AKAP13: variants seen among roughly 807,000 people sequenced by gnomAD.
AKAP13 encodes the protein A-kinase anchor protein 13.
AKAP13 carries 80 observed loss-of-function variants against 264.5 expected under a neutral mutation model. The ratio of observed to expected loss-of-function variants is 0.30; its 90% CI spans 0.25 to 0.36. The LOEUF (loss-of-function observed/expected upper bound fraction) is 0.36. AKAP13 is among the 10% of genes least tolerant of loss of function. AKAP13 has a pLI of 1.00. For missense variants in AKAP13, 3,712 were observed against 3,435.2 expected (o/e 1.08, Z -2.01); for synonymous variants, 1,380 against 1,250.2 (o/e 1.10, Z -2.19).
At chr15:85,461,377 G>C (rs2074506383) in intron 1 of AKAP13, among the ~76,000 whole-genome samples, 1 of 152,052 alleles carries the variant, frequency 6.6e-6, no homozygotes, top group Non-Finnish European at 1.5e-5. Flanking sequence ...CGGCCTCCCA[G>C]AGTGCTGGGA....
intron 6 of AKAP13, chr15:85,577,713 T>C (rs775241840): frequency 1.9e-5 from 14 of 751,888 alleles, no homozygotes; most frequent in Non-Finnish European, 2.3e-5. Flanking sequence ...AGTATATAGG[T>C]ATATGTTCTC....
At chr15:85,422,496 T>C (rs546121907) in intron 1 of AKAP13, among the ~76,000 whole-genome samples, 4 of 152,226 alleles carry the variant, frequency 2.6e-5, no homozygotes, top group South Asian at 2.1e-4. Flanking sequence ...AAGGAAGTAA[T>C]GTAATTGGTT....
chr15:85,575,147 C>CTGGA lies in AKAP13; in HGVS notation c.679_680insTGGA (p.Pro227LeufsTer11). 1 of 1,614,076 alleles carries CTGGA rather than the reference C, an allele frequency of 6.2e-7. No individual in the cohort carries two copies. The highest frequency in any genetic ancestry group is 8.5e-7 in the Non-Finnish European group (1 of 1,180,004). On this transcript the variant is annotated frameshift_variant, in exon 6 of 37. Coordinates refer to ENST00000394518, the MANE Select transcript of AKAP13 (RefSeq NM_007200.5). LOFTEE classifies it high-confidence loss of function. Reference sequence around the variant, plus strand: ...TGCATGTAGGGAGAATGCTGGAGAACCAGACTCCTGGAGCAGTTTATCCTA... The same window carrying CTGGA: ...TGCATGTAGGGAGAATGCTGGAGAACTGGACAGACTCCTGGAGCAGTTTATCCTA...
At chr15:85,700,577 T>C (rs541849942) in intron 17 of AKAP13, among the ~76,000 whole-genome samples, 1 of 152,348 alleles carries the variant, frequency 6.6e-6, no homozygotes, top group Non-Finnish European at 1.5e-5. Context: ...GCCACACTTC[T>C]GTGTAGTAAT....
chr15:85,706,710 A>C (rs1402782061), intron 17 of AKAP13, among the ~76,000 whole-genome samples: 1 of 152,214 alleles, frequency 6.6e-6, no homozygotes, highest in Non-Finnish European at 1.5e-5. Flanking sequence ...TGCATGAGCT[A>C]GGCACTATGC....
intron 1 of AKAP13, among the ~76,000 whole-genome samples, chr15:85,386,584 C>T (rs1451937859): frequency 2.6e-5 from 4 of 152,256 alleles, no homozygotes; most frequent in South Asian, 2.1e-4. Context: ...CTATTGTGCC[C>T]GGCTCGCCTA....
In AKAP13 at chr15:85,745,075, T is replaced by A. The variant is rs1389725690; in HGVS notation, c.*398T>A. 1 of 170,400 alleles carries A rather than the reference T, an allele frequency of 5.9e-6. No homozygotes were observed. The highest frequency in any genetic ancestry group is 1.3e-5 in the Non-Finnish European group (1 of 78,644). The allele number at this position is 170,400 out of a possible 1,614,324, so 10.6% of individuals were successfully genotyped here. A position where few individuals can be genotyped will look rare whatever the true frequency, so the allele number is the denominator to read the frequency against. Reference sequence around the variant, plus strand: ...GGGGAACACAAAACCAAACAGCAGATGTTTTGGACTTGATCTGTGTACGTA... The same window carrying A: ...GGGGAACACAAAACCAAACAGCAGAAGTTTTGGACTTGATCTGTGTACGTA... On this transcript the variant is annotated 3_prime_UTR_variant, in exon 37 of 37. Transcript: ENST00000394518.
At chr15:85,646,208 C>T (rs2082552856) in intron 10 of AKAP13, among the ~76,000 whole-genome samples, 3 of 152,168 alleles carry the variant, frequency 2.0e-5, no homozygotes, top group African/African-American at 7.2e-5. Context: ...GGCATGGTGG[C>T]TCACGCCTGT....
At chr15:85,657,039 G>A (rs1419655341) in intron 11 of AKAP13, among the ~76,000 whole-genome samples, 2 of 152,056 alleles carry the variant, frequency 1.3e-5, no homozygotes, top group South Asian at 2.1e-4. Context: ...CCAGCTACTC[G>A]AGAGGATGAG....
At chr15:85,717,832 C>CT (rs1201761755) in intron 21 of AKAP13, among the ~76,000 whole-genome samples, 175 bp from the exon 22 acceptor site, 1 of 152,202 alleles carries the variant, frequency 6.6e-6, no homozygotes, top group Admixed American at 6.5e-5. Flanking sequence ...AATGTAGAGT[C>CT]TGTCACTCCT....
intron 1 of AKAP13, among the ~76,000 whole-genome samples, chr15:85,387,164 G>A (rs554076853): frequency 4.0e-5 from 6 of 151,886 alleles, no homozygotes; most frequent in South Asian, 2.1e-4. Flanking sequence ...GCAAAACCCC[G>A]TCTCTACTAA....
intron 12 of AKAP13, chr15:85,662,457 T>A: frequency 6.2e-7 from 1 of 1,614,172 alleles, no homozygotes; most frequent in Non-Finnish European, 8.5e-7. Context: ...ACAGAAGGTA[T>A]GATATTGTTA....
intron 1 of AKAP13, among the ~76,000 whole-genome samples, chr15:85,419,935 G>GTTTTTTTTTTTTTT (rs11452064): frequency 3.8e-5 from 3 of 77,970 alleles, no homozygotes; most frequent in Non-Finnish European, 6.9e-5. Context: ...TCTGACTCTT[G>GTTTTTTTTTTTTTT]TTTTTTTTTT....
chr15:85,726,514 G>C, intron 27 of AKAP13, 28 bp downstream of exon 27: 1 of 1,571,238 alleles, frequency 6.4e-7, no homozygotes, highest in Non-Finnish European at 8.8e-7. Context: ...TTTTGTAATA[G>C]TATTATAAGC....
intron 8 of AKAP13, among the ~76,000 whole-genome samples, chr15:85,632,754 A>G (rs1384627090): frequency 6.6e-6 from 1 of 152,260 alleles, no homozygotes; most frequent in Admixed American, 6.5e-5. Context: ...ATGACAGGAA[A>G]AGTATAGAGA....
At chr15:85,689,489 T>G (rs1018579667) in intron 16 of AKAP13, among the ~76,000 whole-genome samples, 1 of 152,204 alleles carries the variant, frequency 6.6e-6, no homozygotes, top group Non-Finnish European at 1.5e-5. Flanking sequence ...GTTACCTGCA[T>G]CTATCCCTGT....
At chr15:85,544,090 C>A in intron 5 of AKAP13, 135 bp downstream of exon 5, 1 of 1,068,794 alleles carries the variant, frequency 9.4e-7, no homozygotes, top group Non-Finnish European at 1.4e-6. Flanking sequence ...TTGCCTTCTG[C>A]TGGAGGTTTG....
intron 8 of AKAP13, among the ~76,000 whole-genome samples, chr15:85,598,299 A>G (rs2079906640): frequency 1.3e-5 from 2 of 152,080 alleles, no homozygotes; most frequent in African/African-American, 2.4e-5. Flanking sequence ...GCATGATGAG[A>G]AGCATCAGAG....
At chr15:85,661,919 A>C (rs1422258004) in intron 12 of AKAP13, among the ~76,000 whole-genome samples, 1 of 140,290 alleles carries the variant, frequency 7.1e-6, no homozygotes, top group African/African-American at 2.7e-5. Context: ...AAAAAAAAAA[A>C]CCGGATGACT....
Sources: gnomAD v4.1 joint callset for allele counts (sites outside exome capture counted in the v4.1 genomes callset) on GRCh38, gnomAD v4.1.1 for gene constraint, MANE v1.5 for transcripts, NCBI Gene and HGNC (gene_info 2026-07-23, HGNC 2026-07-21) for gene names.